Variants in CENPP observed in about 807,000 individuals in gnomAD.
CENPP encodes the protein centromere protein P.
Under a neutral mutation model 35.6 loss-of-function variants are expected in CENPP, and 24 were observed. The ratio of observed to expected loss-of-function variants is 0.67; its 90% CI spans 0.49 to 0.95. The LOEUF is 0.95. Among genes scored for constraint, CENPP ranks in the 40% least tolerant of loss-of-function variants. CENPP has a pLI of 0.00. For synonymous variants in CENPP, 120 were observed against 125.5 expected (o/e 0.96, Z 0.29); for missense variants, 332 against 345.3 (o/e 0.96, Z 0.31).
chr9:92,542,278 A>G (rs1347864464), intron 5 of CENPP, among the ~76,000 whole-genome samples: 1 of 152,116 alleles, frequency 6.6e-6, no homozygotes, highest in African/African-American at 2.4e-5. Flanking sequence ...AGTTCCTTAT[A>G]TATTTTGGAT....
At chr9:92,546,394 C>CATT (rs1255852494) in intron 5 of CENPP, among the ~76,000 whole-genome samples, 2 of 152,180 alleles carry the variant, frequency 1.3e-5, no homozygotes, top group Admixed American at 6.5e-5. Context: ...TGCTGCTGCT[C>CATT]ACTCTTTGGG....
At chr9:92,600,020 T>G (rs1269359241) in intron 5 of CENPP, among the ~76,000 whole-genome samples, 1 of 152,232 alleles carries the variant, frequency 6.6e-6, no homozygotes, top group Non-Finnish European at 1.5e-5. Flanking sequence ...TTTTAAGCTT[T>G]GCAGCCATGT....
chr9:92,589,735 T>C (rs1023307403), intron 5 of CENPP, among the ~76,000 whole-genome samples: 1 of 152,244 alleles, frequency 6.6e-6, no homozygotes, highest in African/African-American at 2.4e-5. Context: ...CTAAGCATTA[T>C]ACAGACCTAT....
rs532836256 is a variant in CENPP, at chr9:92,505,371, G to T, written c.565-105943G>T. ...AATTATAATTTCGATTCAGAATTTT[G>T]TATTGCTTGAAGAAAAAACAATGCT... is the stretch of plus-strand genomic sequence containing the variant. On this transcript the variant is annotated intron_variant, in intron 5 of 7. Coordinates refer to ENST00000375587, the MANE Select transcript of CENPP (RefSeq NM_001012267.3). Among the ~76,000 whole-genome samples the T allele has an allele frequency of 9.9e-5, 15 of 152,118 alleles. No individual in the cohort carries two copies. In the South Asian group the frequency reaches 1.5e-3, roughly 15 times the overall value.
intron 5 of CENPP, chr9:92,482,625 A>G (rs1845949740): frequency 6.6e-6 from 1 of 152,240 alleles, no homozygotes; most frequent in Admixed American, 6.5e-5. Context: ...AGAAAAAAAA[A>G]GAAAGTTTAA....
chr9:92,417,597 CAT>C (rs1843657017), intron 5 of CENPP: 2 of 1,288,162 alleles, frequency 1.6e-6, no homozygotes, highest in Admixed American at 4.7e-5. Context: ...GAAAAGGAAA[CAT>C]TGTGGAGAAA....
intron 4 of CENPP, among the ~76,000 whole-genome samples, chr9:92,361,103 T>C (rs1841735749): frequency 6.6e-6 from 1 of 151,846 alleles, no homozygotes; most frequent in Admixed American, 6.6e-5. Flanking sequence ...CCATAAATAC[T>C]TAAGTGTGTA....
At chr9:92,523,977 A>G (rs908585601) in intron 5 of CENPP, among the ~76,000 whole-genome samples, 1 of 152,232 alleles carries the variant, frequency 6.6e-6, no homozygotes, top group African/African-American at 2.4e-5. Flanking sequence ...TAAACAAATG[A>G]GCATGGATGT....
At chr9:92,361,175 C>T (rs974153114) in intron 4 of CENPP, among the ~76,000 whole-genome samples, 1 of 149,874 alleles carries the variant, frequency 6.7e-6, no homozygotes, top group Non-Finnish European at 1.5e-5. Flanking sequence ...GAGTCACACT[C>T]TGTTGCCCAG....
chr9:92,441,643 CA>C, intron 5 of CENPP, among the ~76,000 whole-genome samples: 1 of 152,202 alleles, frequency 6.6e-6, no homozygotes, highest in Non-Finnish European at 1.5e-5. Context: ...CCTGTAGTCC[CA>C]GCTACTCAGG....
chr9:92,522,575 C>G lies in CENPP; in HGVS notation c.565-88739C>G, dbSNP rs1258016807. ...TCTCTCTCTCATAGTGTTCTCTTAC[C>G]TGGTAACACATTATAACTTGATTCT... On this transcript the variant is annotated intron_variant, in intron 5 of 7. Coordinates refer to ENST00000375587, the MANE Select transcript of CENPP (RefSeq NM_001012267.3). 18 of 1,605,502 alleles carry G rather than the reference C, an allele frequency of 1.1e-5. No individual in the cohort carries two copies. In the African/African-American group the frequency reaches 2.3e-4, roughly 20 times the overall value.
chr9:92,568,692 G>A (rs1850058669), intron 5 of CENPP, among the ~76,000 whole-genome samples: 2 of 152,176 alleles, frequency 1.3e-5, no homozygotes, highest in Admixed American at 1.3e-4. Flanking sequence ...CTAGTTTACA[G>A]TCCCACCAAC....
chr9:92,400,854 T>C (rs1478592233), intron 5 of CENPP, among the ~76,000 whole-genome samples: 2 of 152,248 alleles, frequency 1.3e-5, no homozygotes, highest in African/African-American at 2.4e-5. Flanking sequence ...AACCACACTT[T>C]GTGGAGGCTA....
intron 5 of CENPP, among the ~76,000 whole-genome samples, chr9:92,590,982 G>A (rs905936575): frequency 6.6e-6 from 1 of 152,164 alleles, no homozygotes; most frequent in Non-Finnish European, 1.5e-5. Context: ...GAATAAATGA[G>A]CCAAAAGGGA....
chr9:92,393,414 T>C (rs974909698), intron 5 of CENPP, among the ~76,000 whole-genome samples: 1 of 152,222 alleles, frequency 6.6e-6, no homozygotes. Context: ...GCTTGATAAT[T>C]CACCAGAATA....
At chr9:92,419,371 G>A (rs547711600) in intron 5 of CENPP, among the ~76,000 whole-genome samples, 1 of 149,680 alleles carries the variant, frequency 6.7e-6, no homozygotes, top group African/African-American at 2.5e-5. Context: ...TGCGATCTCG[G>A]CTCACTGCAG....
At chr9:92,394,582 A>G (rs1462675794) in intron 5 of CENPP, among the ~76,000 whole-genome samples, 1 of 151,618 alleles carries the variant, frequency 6.6e-6, no homozygotes, top group Non-Finnish European at 1.5e-5. Context: ...TATCAAATAA[A>G]CATGTCAAAT....
intron 5 of CENPP, among the ~76,000 whole-genome samples, chr9:92,455,517 C>CT (rs1054217682): frequency 6.6e-6 from 1 of 152,062 alleles, no homozygotes; most frequent in Non-Finnish European, 1.5e-5. Context: ...AAAGAATGAC[C>CT]TGGCCCAAAA....
intron 4 of CENPP, among the ~76,000 whole-genome samples, chr9:92,350,023 C>T (rs931876884): frequency 1.3e-5 from 2 of 152,160 alleles, no homozygotes; most frequent in African/African-American, 4.8e-5. Context: ...GTATTCCCAC[C>T]AGTAATGTGT....
Sources: allele counts gnomAD v4.1 joint callset (sites outside exome capture counted in the v4.1 genomes callset), GRCh38; gene constraint gnomAD v4.1.1; transcripts MANE v1.5; gene names NCBI Gene and HGNC (gene_info 2026-07-23, HGNC 2026-07-21).